ABCC9: variants seen among roughly 807,000 people sequenced by gnomAD.
ABCC9 encodes the protein ATP-binding cassette sub-family C member 9.
In ABCC9, 95 loss-of-function variants were observed where a neutral mutation model predicts 188.3. That is an observed-to-expected ratio of 0.50 (90% confidence interval 0.43 to 0.60). The LOEUF (loss-of-function observed/expected upper bound fraction) is 0.60, where lower values mean the gene tolerates loss of function less well. Ranked by LOEUF, ABCC9 falls within the 20% of genes least tolerant of loss-of-function variation. ABCC9 has a pLI of 0.00. For synonymous variants in ABCC9, 659 were observed against 652.7 expected (o/e 1.01, Z -0.15); for missense variants, 1,102 against 1,876.3 (o/e 0.59, Z 7.62).
chr12:21,902,195 C>A (rs1290646941), intron 12 of ABCC9, among the ~76,000 whole-genome samples: 2 of 152,168 alleles, frequency 1.3e-5, no homozygotes, highest in African/African-American at 4.8e-5. Context: ...TCCTGAATGA[C>A]CACTGGGTAC....
chr12:21,872,008 A>G (rs1403626585), intron 18 of ABCC9, among the ~76,000 whole-genome samples: 2 of 152,206 alleles, frequency 1.3e-5, no homozygotes, highest in African/African-American at 2.4e-5. Flanking sequence ...TATTACCACA[A>G]TGTGCTTTGA....
At chr12:21,827,949 T>G (rs1592000645) in intron 31 of ABCC9, among the ~76,000 whole-genome samples, 1 of 152,232 alleles carries the variant, frequency 6.6e-6, no homozygotes, top group African/African-American at 2.4e-5. Flanking sequence ...ACTACTCAGA[T>G]TTTAATTTGG....
intron 3 of ABCC9, among the ~76,000 whole-genome samples, chr12:21,934,297 A>G (rs1949400634): frequency 6.6e-6 from 1 of 152,132 alleles, no homozygotes; most frequent in South Asian, 2.1e-4. Flanking sequence ...CTTTGAAGAC[A>G]TGAAATCTAC....
intron 12 of ABCC9, among the ~76,000 whole-genome samples, chr12:21,901,894 A>C (rs1485909724): frequency 6.6e-6 from 1 of 152,296 alleles, no homozygotes; most frequent in East Asian, 1.9e-4. Context: ...AGACAGATCA[A>C]CAAGACAGAA....
chr12:21,823,315 CTG>C (rs1943164495), intron 31 of ABCC9, among the ~76,000 whole-genome samples: 1 of 152,192 alleles, frequency 6.6e-6, no homozygotes, highest in Non-Finnish European at 1.5e-5. Context: ...ATAATGAAAA[CTG>C]TAATTCTCTA....
chr12:21,906,087 C>T (rs1948031130), intron 12 of ABCC9, 39 bp downstream of exon 12: 3 of 1,599,380 alleles, frequency 1.9e-6, no homozygotes, highest in Middle Eastern at 1.7e-4. Flanking sequence ...ATTCTGGTTG[C>T]CCTTAAAGTC....
chr12:21,823,157 A>G (rs1943157663), intron 31 of ABCC9, among the ~76,000 whole-genome samples: 1 of 152,212 alleles, frequency 6.6e-6, no homozygotes, highest in Non-Finnish European at 1.5e-5. Flanking sequence ...TCTACATTCA[A>G]AAGAGGGCTT....
At chr12:21,817,382 G>A in intron 32 of ABCC9, 75 bp from the exon 33 acceptor site, 1 of 1,464,008 alleles carries the variant, frequency 6.8e-7, no homozygotes, top group Non-Finnish European at 9.4e-7. Flanking sequence ...GGAAATTTTG[G>A]AACGAGATAA....
At position 21,912,959 on chromosome 12, in the gene ABCC9, A is replaced by G. The variant is rs139127928; in HGVS notation, c.924T>C (p.Asp308=). Residue 308 remains aspartate, a synonymous_variant, in exon 8 of 40, where the codon GAT becomes GAC. Coordinates refer to ENST00000261200, the MANE Select transcript of ABCC9 (RefSeq NM_020297.4). ...LLSSTFRYLA[D]LLGFAGPLCI... ...AAAGAGGTCCAGCAAAACCCAGTAA[A>G]TCAGCCAGATAGCGGAATGTGCTAC... 347 of 1,613,722 alleles carry G rather than the reference A, an allele frequency of 2.2e-4. 3 individuals carry two copies. The African/African-American group carries it at 4.0e-3, about 18-fold the overall frequency.
intron 17 of ABCC9, among the ~76,000 whole-genome samples, chr12:21,875,437 T>G (rs1211539061): frequency 6.6e-6 from 1 of 152,140 alleles, no homozygotes; most frequent in Non-Finnish European, 1.5e-5. Flanking sequence ...CAGTAAATAA[T>G]TGTCCAAAGG....
intron 15 of ABCC9, among the ~76,000 whole-genome samples, chr12:21,885,349 C>A (rs1349606846): frequency 6.6e-6 from 1 of 152,168 alleles, no homozygotes; most frequent in Non-Finnish European, 1.5e-5. Flanking sequence ...GTTTCAATAA[C>A]CCTGAAGATA....
intron 14 of ABCC9, among the ~76,000 whole-genome samples, chr12:21,891,141 G>A (rs1208287293): frequency 1.3e-5 from 2 of 151,974 alleles, no homozygotes; most frequent in Non-Finnish European, 2.9e-5. Context: ...ACTAGGCTGT[G>A]GACTCCCTGC....
At position 21,875,730 on chromosome 12, in the gene ABCC9, C is replaced by T. The variant is rs372226458; in HGVS notation, c.2020-4G>A. On this transcript the variant is annotated splice_polypyrimidine_tract_variant and splice_region_variant and intron_variant, in intron 16 of 39. Coordinates refer to ENST00000261200, the MANE Select transcript of ABCC9 (RefSeq NM_020297.4). ...ATGAAAAGTATCCATTTGTGACCTA[C>T]AAAATAAAAATACAGAAATTAAATT... is the stretch of plus-strand genomic sequence containing the variant. The T allele has an allele frequency of 2.5e-6, 4 of 1,602,608 alleles. No individual in the cohort carries two copies. The highest frequency in any genetic ancestry group is 1.7e-5 in the Admixed American group (1 of 59,944).
At chr12:21,875,791 T>A in intron 16 of ABCC9, 65 bp from the exon 17 acceptor site, 4 of 1,374,904 alleles carry the variant, frequency 2.9e-6, no homozygotes, top group Non-Finnish European at 4.1e-6. Flanking sequence ...CTAATTAAAA[T>A]AATAATTTGT....
chr12:21,828,811 TAAAC>T (rs1943541945), intron 31 of ABCC9, 143 bp downstream of exon 31: 3 of 721,268 alleles, frequency 4.2e-6, no homozygotes, highest in Non-Finnish European at 2.5e-6. Context: ...ATCTGTAACA[TAAAC>T]AAACCTGAGC....
intron 30 of ABCC9, chr12:21,831,123 C>G (rs1203784849): frequency 6.6e-6 from 1 of 151,002 alleles, no homozygotes; most frequent in East Asian, 2.0e-4. Context: ...GCGATCTCAG[C>G]TCACTACAAC....
intron 25 of ABCC9, among the ~76,000 whole-genome samples, chr12:21,846,517 G>A (rs547921762): frequency 1.3e-5 from 2 of 152,124 alleles, no homozygotes; most frequent in South Asian, 2.1e-4. Flanking sequence ...TACCCTGTAT[G>A]TACTTCATAC....
In ABCC9 at chr12:21,815,751, G is replaced by A. The variant is rs749922949; in HGVS notation, c.4023+12C>T. 11 of 1,611,908 alleles carry A rather than the reference G, an allele frequency of 6.8e-6. No homozygotes were observed. Among genetic ancestry groups the A allele is most frequent in the Middle Eastern group, 3.3e-4 (2 of 6,042 alleles). On this transcript the variant is annotated intron_variant, in intron 34 of 39. Transcript: ENST00000261200. ...TTATGTATACAACATATCAAATGCA[G>A]TGATTTCATACCTTTTGTCCAGGTT...
intron 12 of ABCC9, among the ~76,000 whole-genome samples, chr12:21,900,174 C>T (rs184771907): frequency 3.8e-4 from 58 of 152,310 alleles, no homozygotes; most frequent in Non-Finnish European, 6.5e-4. Context: ...TCTGCAGCCT[C>T]CGCTGCTGAT....
Sources: allele counts gnomAD v4.1 joint callset (sites outside exome capture counted in the v4.1 genomes callset), GRCh38; gene constraint gnomAD v4.1.1; transcripts MANE v1.5; gene names NCBI Gene and HGNC (gene_info 2026-07-23, HGNC 2026-07-21).